The following FUT8 variants were observed in gnomAD, a reference collection of about 807,000 sequenced individuals.
The protein encoded by FUT8 is alpha-(1,6)-fucosyltransferase.
A neutral mutation model predicts 71.3 loss-of-function variants in FUT8; 29 were observed. The ratio of observed to expected loss-of-function variants is 0.41; its 90% CI spans 0.30 to 0.55. The LOEUF is 0.55. Ranked by LOEUF, FUT8 falls within the 20% of genes least tolerant of loss-of-function variation. The pLI, the probability that FUT8 is intolerant of heterozygous loss-of-function variation, is 0.34. For synonymous variants in FUT8, 254 were observed against 239.3 expected (o/e 1.06, Z -0.57); for missense variants, 544 against 702.1 (o/e 0.77, Z 2.55).
upstream of FUT8, chr14:65,412,105 C>T (rs777992252): frequency 4.4e-6 from 2 of 456,492 alleles, no homozygotes; most frequent in South Asian, 3.1e-5. Context: ...TCGGGAGAGG[C>T]CGGGCATCGA....
At chr14:65,498,774 G>C (rs2066599658) in intron 2 of FUT8, among the ~76,000 whole-genome samples, 1 of 152,048 alleles carries the variant, frequency 6.6e-6, no homozygotes, top group South Asian at 2.1e-4. Context: ...AGTAACATTT[G>C]GGTCTTACTG....
chr14:65,715,372 G>A (rs1895002599), intron 7 of FUT8, among the ~76,000 whole-genome samples: 1 of 152,166 alleles, frequency 6.6e-6, no homozygotes, highest in Non-Finnish European at 1.5e-5. Context: ...GATATGATAT[G>A]TCTCATTGAT....
chr14:65,611,219 GCGCGCACACA>G (rs1888928987), intron 3 of FUT8, among the ~76,000 whole-genome samples: 1 of 3,028 alleles, frequency 3.3e-4, no homozygotes, highest in African/African-American at 5.1e-4. Context: ...GCGCGCGCGC[GCGCGCACACA>G]CACACACACA....
chr14:65,476,849 T>G (rs2066253911), intron 2 of FUT8, among the ~76,000 whole-genome samples: 1 of 152,128 alleles, frequency 6.6e-6, no homozygotes, highest in Non-Finnish European at 1.5e-5. Context: ...CTGGTCTGAA[T>G]ACATTATATG....
rs1304200851 is a variant in FUT8 at position 65,483,610 on chromosome 14, C to T, written c.-228+27892C>T. Among the ~76,000 whole-genome samples, 2 of 152,074 alleles carry T rather than the reference C, an allele frequency of 1.3e-5. No homozygotes were observed. Among genetic ancestry groups the T allele is most frequent in the Non-Finnish European group, 2.9e-5 (2 of 68,000 alleles). On this transcript the variant is annotated intron_variant, in intron 2 of 10. Transcript: ENST00000673929. This position sits in a 1 kb window ranked among gnomAD's most constrained non-coding sequence, Gnocchi z 4.4. Reference sequence around the variant, plus strand: ...ATTTATTTGGATGTTTAATTTCTTTCAGCAGTATTTTATTGTTTTCAATGT... The same window carrying T: ...ATTTATTTGGATGTTTAATTTCTTTTAGCAGTATTTTATTGTTTTCAATGT...
chr14:65,666,145 G>C (rs1219583973), intron 6 of FUT8, among the ~76,000 whole-genome samples: 1 of 151,914 alleles, frequency 6.6e-6, no homozygotes, highest in Non-Finnish European at 1.5e-5. Context: ...AAATGTAACT[G>C]CTTAATTTCA....
chr14:65,479,682 G>A (rs2066300071), intron 2 of FUT8: 1 of 148,196 alleles, frequency 6.7e-6, no homozygotes, highest in South Asian at 2.1e-4. Flanking sequence ...GCTTGTTTTT[G>A]ATCTCTGTTC....
chr14:65,474,875 TA>T (rs1566770891), intron 2 of FUT8, among the ~76,000 whole-genome samples: 3 of 152,206 alleles, frequency 2.0e-5, no homozygotes, highest in Non-Finnish European at 4.4e-5. Flanking sequence ...ATTTATTGTT[TA>T]TTTTTATTTT....
At chr14:65,541,161 A>G (rs892571524) in intron 2 of FUT8, among the ~76,000 whole-genome samples, 35 of 152,208 alleles carry the variant, frequency 2.3e-4, no homozygotes, top group African/African-American at 8.0e-4. Flanking sequence ...AACATTAGCT[A>G]TTTCCTGAGG....
rs148170009 is a variant in FUT8 at position 65,652,476 on chromosome 14, A to T, written c.598-16767A>T. On this transcript the variant is annotated intron_variant, in intron 6 of 10. Transcript: ENST00000673929. This position sits in a 1 kb window ranked among gnomAD's most constrained non-coding sequence, Gnocchi z 4.0. ...GATGTGAGAAGCTTGAGAGGACATG[A>T]TGCTTTGGAGCTGTTACAACCATCT... Among the ~76,000 whole-genome samples, 2 of 152,290 alleles carry T rather than the reference A, an allele frequency of 1.3e-5. No individual in the cohort carries two copies. Among genetic ancestry groups the T allele is most frequent in the Non-Finnish European group, 2.9e-5 (2 of 68,018 alleles).
the FUT8 span, among the ~76,000 whole-genome samples, chr14:65,376,622 G>A: frequency 4.1e-5 from 6 of 146,378 alleles, no homozygotes; most frequent in African/African-American, 1.2e-4. Context: ...ATGTTGGTCA[G>A]GCTGGTCTTG....
chr14:65,413,501 C>T lies in FUT8; in HGVS notation c.-326+287C>T, dbSNP rs536769259. On this transcript the variant is annotated intron_variant, in intron 1 of 10. Transcript: ENST00000673929. The surrounding 1 kb of genome is among the most constrained non-coding windows in gnomAD (Gnocchi z 4.1). The stretch of plus-strand genomic sequence containing the variant: ...CGCTGCTGCCCTCGGCGTCGCGCAT[C>T]CTTGCCTAGGGCAGGGGCCAAAGCC... Among the ~76,000 whole-genome samples, 7 of 152,080 alleles carry T rather than the reference C, an allele frequency of 4.6e-5. No individual in the cohort carries two copies. The East Asian group carries it at 1.4e-3, about 30-fold the overall frequency.
chr14:65,368,407 C>A, the FUT8 span, among the ~76,000 whole-genome samples: 2 of 128,348 alleles, frequency 1.6e-5, no homozygotes, highest in Non-Finnish European at 3.4e-5. Flanking sequence ...ATGGTATGAT[C>A]TTGGCTTACT....
Position 65,467,860 on chromosome 14 carries a change from T to C in FUT8, c.-228+12142T>C. 2.5e-6 allele frequency: 2 copies of C among 787,942 alleles called. No homozygotes were observed. Among genetic ancestry groups the C allele is most frequent in the South Asian group, 1.3e-5 (1 of 74,972 alleles). 48.8% of individuals were successfully genotyped at this position (787,942 alleles called of 1,614,324 possible). On this transcript the variant is annotated intron_variant, in intron 2 of 10. Transcript: ENST00000673929. The surrounding 1 kb of genome is among the most constrained non-coding windows in gnomAD (Gnocchi z 4.1). ...TCCAGCAGCTCAGGCTCCTTCCCAC[T>C]GGTTCTCACAAAGTGTGCTTCTCTG... is the stretch of plus-strand genomic sequence containing the variant.
At chr14:65,450,349 T>A (rs895957527) in intron 1 of FUT8, among the ~76,000 whole-genome samples, 4 of 152,200 alleles carry the variant, frequency 2.6e-5, no homozygotes, top group African/African-American at 7.2e-5. Flanking sequence ...CTTTTTTCTA[T>A]CATGGAGATA....
chr14:65,368,300 G>T, the FUT8 span, among the ~76,000 whole-genome samples: 1 of 120,268 alleles, frequency 8.3e-6, no homozygotes, highest in Non-Finnish European at 1.8e-5. Context: ...TGATCCGCCC[G>T]CCTCGGCCTC....
intron 7 of FUT8, among the ~76,000 whole-genome samples, chr14:65,718,656 G>A (rs1355692315): frequency 6.6e-6 from 1 of 152,080 alleles, no homozygotes; most frequent in Non-Finnish European, 1.5e-5. Flanking sequence ...CAGGTCTGAT[G>A]TTGATGAAAT....
chr14:65,653,915 C>T (rs1340223170), intron 6 of FUT8, among the ~76,000 whole-genome samples: 4 of 152,130 alleles, frequency 2.6e-5, no homozygotes, highest in African/African-American at 4.8e-5. Flanking sequence ...AAGACATTTT[C>T]GGATGAAAGA....
At chr14:65,591,840 CTTTTT>C (rs372894220) in intron 3 of FUT8, among the ~76,000 whole-genome samples, 1 of 120,124 alleles carries the variant, frequency 8.3e-6, no homozygotes, top group Non-Finnish European at 1.8e-5. Flanking sequence ...TTGAAGCAGG[CTTTTT>C]TTTTTTTTTT....
Sources: allele counts gnomAD v4.1 joint callset (sites outside exome capture counted in the v4.1 genomes callset), GRCh38; gene constraint gnomAD v4.1.1; non-coding constraint Gnocchi (gnomAD v3.1); transcripts MANE v1.5; gene names NCBI Gene and HGNC (gene_info 2026-07-23, HGNC 2026-07-21).